The following MROH9 variants were observed in gnomAD, a reference collection of about 807,000 sequenced individuals.
MROH9 encodes maestro heat-like repeat-containing protein family member 9.
A neutral mutation model predicts 98.2 loss-of-function variants in MROH9; 92 were observed. The observed-to-expected ratio is 0.94, with a 90% CI of 0.79 to 1.11. The LOEUF is 1.11. Among genes scored for constraint, MROH9 ranks in the 50% most tolerant of loss-of-function variants. MROH9 has a pLI of 0.00. For missense variants in MROH9, 1,057 were observed against 1,014.8 expected, an observed-to-expected ratio of 1.04 and a Z score of -0.57; for synonymous variants, 397 against 368.9, an observed-to-expected ratio of 1.08 and a Z score of -0.87.
At chr1:171,011,914 CCTTTATTATTTTCTTACACCAA>C (rs1297355174) in intron 15 of MROH9, among the ~76,000 whole-genome samples, 1 of 151,620 alleles carries the variant, frequency 6.6e-6, no homozygotes, top group Non-Finnish European at 1.5e-5. Flanking sequence ...ATGATTTCTG[CCTTTATTATTTTCTTACACCAA>C]CTTTCTTTAG....
Position 171,064,607 on chromosome 1 carries a change from A to G in MROH9, c.*267A>G. 1 of 311,866 alleles carries G rather than the reference A, an allele frequency of 3.2e-6. No homozygotes were observed. Among genetic ancestry groups the G allele is most frequent in the Non-Finnish European group, 5.8e-6 (1 of 172,836 alleles). 19.3% of individuals were successfully genotyped at this position (311,866 alleles called of 1,614,324 possible). On this transcript the variant is annotated 3_prime_UTR_variant, in exon 22 of 22. Coordinates refer to ENST00000367759, the MANE Select transcript of MROH9 (RefSeq NM_001163629.2). ...CAAAACCACTAAGACAATTGAAAAT[A>G]ACATAAGCAAAGTGTTTGATGAGAA...
In MROH9 at chr1:170,996,843, C is replaced by T. The variant is rs115513633; in HGVS notation, c.1475+199C>T. On this transcript the variant is annotated intron_variant, in intron 14 of 21. Coordinates refer to ENST00000367759, the MANE Select transcript of MROH9 (RefSeq NM_001163629.2). ...TTGTGATTTTTTTTCCTTTTTCTTGCCCTCTTACCTGATAACATAGATGCC... is the reference window on the plus strand; with the variant it reads ...TTGTGATTTTTTTTCCTTTTTCTTGTCCTCTTACCTGATAACATAGATGCC... 1.5e-3 allele frequency among the ~76,000 whole-genome samples: 223 copies of T among 152,002 alleles called. 1 individual carries two copies. Among genetic ancestry groups the T allele is most frequent in the African/African-American group, 5.3e-3 (218 of 41,476 alleles).
At chr1:170,992,127 A>G (rs747966542) in intron 11 of MROH9, 37 bp from the exon 12 acceptor site, 1 of 1,553,960 alleles carries the variant, frequency 6.4e-7, no homozygotes. Flanking sequence ...CATGACAAAC[A>G]TGATTCTCAT....
chr1:170,959,371 T>C (rs1649917399), intron 4 of MROH9, 91 bp from the exon 5 acceptor site: 1 of 1,240,730 alleles, frequency 8.1e-7, no homozygotes. Context: ...CGAGACTCTG[T>C]CTCAAAATAA....
Position 170,947,588 on chromosome 1 carries a change from A to G in MROH9, c.72+15A>G, listed in dbSNP as rs1649382733. The G allele has an allele frequency of 1.3e-6, 2 of 1,590,938 alleles. No homozygotes were observed. Among genetic ancestry groups the G allele is most frequent in the African/African-American group, 2.7e-5 (2 of 74,462 alleles). On this transcript the variant is annotated intron_variant, in intron 3 of 21. Coordinates refer to ENST00000367759, the MANE Select transcript of MROH9 (RefSeq NM_001163629.2). ...GGCACCACATGGTAAGTGATATTCT[A>G]TAAGGATATCAACGTAACTGAATTC... is the stretch of plus-strand genomic sequence containing the variant.
chr1:170,986,849 G>C, intron 10 of MROH9, 139 bp downstream of exon 10: 3 of 1,033,284 alleles, frequency 2.9e-6, no homozygotes, highest in Non-Finnish European at 4.1e-6. Flanking sequence ...TGAGGCTTTT[G>C]GTTTTTTAAA....
At chr1:171,004,861 T>C (rs1651903505) in intron 15 of MROH9, among the ~76,000 whole-genome samples, 1 of 152,198 alleles carries the variant, frequency 6.6e-6, no homozygotes. Context: ...AGGACCATAC[T>C]GTTTTGACTA....
intron 15 of MROH9, among the ~76,000 whole-genome samples, chr1:171,007,165 T>C (rs960418422): frequency 2.0e-5 from 3 of 152,194 alleles, no homozygotes; most frequent in Non-Finnish European, 4.4e-5. Context: ...TCCAGAATTG[T>C]AGGTTAGGTG....
intron 5 of MROH9, among the ~76,000 whole-genome samples, chr1:170,960,406 A>G (rs1368943227): frequency 6.6e-6 from 1 of 152,168 alleles, no homozygotes; most frequent in African/African-American, 2.4e-5. Flanking sequence ...TCTTCTTCCA[A>G]TACTAGAAAG....
At chr1:171,033,296 C>T (rs957850829) in intron 20 of MROH9, among the ~76,000 whole-genome samples, 1 of 152,256 alleles carries the variant, frequency 6.6e-6, no homozygotes, top group Non-Finnish European at 1.5e-5. Flanking sequence ...GCTGGTCGCC[C>T]TTCACCCCAG....
chr1:171,032,063 T>G (rs972904081), intron 20 of MROH9, among the ~76,000 whole-genome samples: 2 of 152,168 alleles, frequency 1.3e-5, no homozygotes, highest in Non-Finnish European at 2.9e-5. Flanking sequence ...TTCTACTTGG[T>G]CAGTTCGGCT....
At position 171,016,289 on chromosome 1, in the gene MROH9, T is replaced by C; in HGVS notation, c.1861T>C (p.Ser621Pro). 2.0e-6 allele frequency: 3 copies of C among 1,537,986 alleles called. No individual in the cohort carries two copies. Among genetic ancestry groups the C allele is most frequent in the Non-Finnish European group, 2.6e-6 (3 of 1,140,676 alleles). Residue 621 changes from serine to proline, a missense_variant, in exon 17 of 22, where the codon TCT becomes CCT. Ser to Pro is a moderately conservative substitution (Grantham distance 74). Coordinates refer to ENST00000367759, the MANE Select transcript of MROH9 (RefSeq NM_001163629.2). ...AAACGAACTGGACAAAGTGACCTAC[T>C]CTTTGGGTACCAGAATTGGTTCCAG... ...LLNELDKVTY[S>P]LGTRIGSSYC...
intron 1 of MROH9, among the ~76,000 whole-genome samples, chr1:170,944,150 T>G (rs1340514300): frequency 6.6e-6 from 1 of 151,974 alleles, no homozygotes; most frequent in Non-Finnish European, 1.5e-5. Context: ...TAAAATTGTA[T>G]GAGGAGTGAC....
intron 7 of MROH9, among the ~76,000 whole-genome samples, chr1:170,965,461 G>A (rs1441331496): frequency 6.6e-6 from 1 of 152,068 alleles, no homozygotes; most frequent in Admixed American, 6.6e-5. Context: ...TGGTTAAGAC[G>A]CATCATGCTT....
At chr1:170,980,452 C>T (rs888301152) in intron 8 of MROH9, among the ~76,000 whole-genome samples, 5 of 152,198 alleles carry the variant, frequency 3.3e-5, no homozygotes, top group Admixed American at 3.3e-4. Context: ...ACAGAGACAT[C>T]GGAAATAACA....
intron 16 of MROH9, among the ~76,000 whole-genome samples, chr1:171,015,410 T>C (rs1434184272): frequency 6.6e-6 from 1 of 152,256 alleles, no homozygotes; most frequent in Non-Finnish European, 1.5e-5. Context: ...TGAGATTTCA[T>C]ATACTGTTGG....
intron 5 of MROH9, among the ~76,000 whole-genome samples, chr1:170,960,123 A>G (rs1278281896): frequency 2.0e-5 from 3 of 152,172 alleles, no homozygotes; most frequent in Admixed American, 6.5e-5. Flanking sequence ...TTTTTATAAG[A>G]GCTTCTATAC....
At chr1:170,949,023 A>G (rs947218328) in intron 3 of MROH9, among the ~76,000 whole-genome samples, 8 of 152,062 alleles carry the variant, frequency 5.3e-5, no homozygotes, top group African/African-American at 7.2e-5. Context: ...GGAGGTGTTG[A>G]ACTGCAATGC....
chr1:170,986,760 T>G, intron 10 of MROH9, 50 bp downstream of exon 10: 1 of 1,573,536 alleles, frequency 6.4e-7, no homozygotes, highest in Non-Finnish European at 8.6e-7. Flanking sequence ...CTCTCTAATG[T>G]GCATTTTTGC....
Sources: gnomAD v4.1 joint callset for allele counts (sites outside exome capture counted in the v4.1 genomes callset) on GRCh38, gnomAD v4.1.1 for gene constraint, MANE v1.5 for transcripts, NCBI Gene and HGNC (gene_info 2026-07-23, HGNC 2026-07-21) for gene names.